SIL1: variants seen among roughly 807,000 people sequenced by gnomAD.
SIL1 encodes the protein nucleotide exchange factor SIL1.
In SIL1, 40 loss-of-function variants were observed where a neutral mutation model predicts 49.1. The observed-to-expected ratio is 0.81, with a 90% CI of 0.63 to 1.06. The LOEUF (loss-of-function observed/expected upper bound fraction) is 1.06, where lower values mean the gene tolerates loss of function less well. Among genes scored for constraint, SIL1 ranks in the 50% least tolerant of loss-of-function variants. SIL1 has a pLI of 0.00. For missense variants in SIL1, 500 were observed against 572.6 expected (o/e 0.87, Z 1.29); for synonymous variants, 253 against 250.8 (o/e 1.01, Z -0.08).
chr5:139,195,319 C>T (rs1389095726), intron 1 of SIL1, among the ~76,000 whole-genome samples: 1 of 152,172 alleles, frequency 6.6e-6, no homozygotes, highest in Non-Finnish European at 1.5e-5. Flanking sequence ...TCCTATGTCC[C>T]AAGAGCTTTC....
At chr5:139,127,979 C>T in intron 1 of SIL1, 126 bp from the exon 2 acceptor site, 1 of 695,704 alleles carries the variant, frequency 1.4e-6, no homozygotes, top group South Asian at 1.5e-5. Context: ...TATAACGAGT[C>T]TTCTACCACT....
intron 3 of SIL1, among the ~76,000 whole-genome samples, chr5:139,064,468 TA>T (rs1391481890): frequency 6.6e-6 from 1 of 152,242 alleles, no homozygotes; most frequent in Non-Finnish European, 1.5e-5. Flanking sequence ...CAACTGGTCC[TA>T]AGTCCTTGTC....
intron 1 of SIL1, among the ~76,000 whole-genome samples, chr5:139,154,151 A>G (rs554483942): frequency 8.5e-5 from 13 of 152,246 alleles, no homozygotes; most frequent in Non-Finnish European, 1.6e-4. Flanking sequence ...CTTGGCATTT[A>G]TAAGACATCT....
chr5:138,947,530 G>C lies in SIL1; in HGVS notation c.1030-57C>G. On this transcript the variant is annotated intron_variant, in intron 9 of 9. Transcript: ENST00000394817. This position sits in a 1 kb window ranked among gnomAD's most constrained non-coding sequence, Gnocchi z 4.1. Reference sequence around the variant, plus strand: ...GGTGGGGGTGGGGAGAGAACACACAGGGAGCAGTTAGCTCACACCTGGCTA... The same window carrying C: ...GGTGGGGGTGGGGAGAGAACACACACGGAGCAGTTAGCTCACACCTGGCTA... 6.6e-7 allele frequency: 1 copy of C among 1,510,232 alleles called. No homozygotes were observed. The highest frequency in any genetic ancestry group is 9.2e-7 in the Non-Finnish European group (1 of 1,086,474). The allele number at this position is 1,510,232 out of a possible 1,614,324, so 93.6% of individuals were successfully genotyped here.
intron 2 of SIL1, among the ~76,000 whole-genome samples, chr5:139,123,898 A>G (rs1042565444): frequency 2.0e-5 from 3 of 152,130 alleles, no homozygotes; most frequent in Admixed American, 2.0e-4. Flanking sequence ...CTAAGCATCA[A>G]TTTGCAACCT....
chr5:139,047,675 C>T (rs1241551104), intron 4 of SIL1, among the ~76,000 whole-genome samples: 12 of 152,330 alleles, frequency 7.9e-5, no homozygotes, highest in African/African-American at 2.9e-4. Flanking sequence ...GCTAAGGGGC[C>T]AGGAAGACAC....
At chr5:139,047,082 C>A (rs1024944998) in intron 4 of SIL1, among the ~76,000 whole-genome samples, 2 of 152,176 alleles carry the variant, frequency 1.3e-5, no homozygotes, top group African/African-American at 2.4e-5. Context: ...TTAGCCCAAC[C>A]TTTTAACCAC....
At chr5:139,078,290 A>T (rs6865067) in intron 3 of SIL1, among the ~76,000 whole-genome samples, 3,303 of 152,176 alleles carry the variant, frequency 0.022, 97 homozygotes, top group African/African-American at 0.072. Context: ...CCAAAAAAAA[A>T]TTTTTTAAGT....
intron 7 of SIL1, among the ~76,000 whole-genome samples, chr5:138,968,537 TCTC>T (rs1561809205): frequency 6.6e-6 from 1 of 151,960 alleles, no homozygotes; most frequent in Admixed American, 6.6e-5. Context: ...TCAGACACGA[TCTC>T]CTCAGAGAAA....
chr5:138,975,173 C>T lies in SIL1; in HGVS notation c.768-23289G>A, dbSNP rs1767368806. On this transcript the variant is annotated intron_variant, in intron 7 of 9. Coordinates refer to ENST00000394817, the MANE Select transcript of SIL1 (RefSeq NM_022464.5). ...TCAAGGTAAGAAAAATGGCTCCCTC[C>T]TCTGAAGGTTGGCAAGAAGCCTATA... is the stretch of plus-strand genomic sequence containing the variant. Among the ~76,000 whole-genome samples, 4 of 152,304 alleles carry T rather than the reference C, an allele frequency of 2.6e-5. No individual in the cohort carries two copies. The South Asian group carries it at 6.2e-4, about 24-fold the overall frequency.
At chr5:139,024,829 C>T (rs77494410) in intron 6 of SIL1, among the ~76,000 whole-genome samples, 4 of 152,212 alleles carry the variant, frequency 2.6e-5, no homozygotes, top group African/African-American at 9.6e-5. Flanking sequence ...TTTTCCATGG[C>T]CTACAGGCCC....
chr5:139,026,968 G>A lies in SIL1; in HGVS notation c.478C>T (p.Leu160Phe), dbSNP rs1195109678. The A allele has an allele frequency of 1.9e-6, 3 of 1,614,074 alleles. No homozygotes were observed. The African/African-American group carries it at 4.0e-5, about 22-fold the overall frequency. ...TTCAGTTCCTCAATGGGGCGGAAGA[G>A]CCGCTTTACCTCAGCCTGCCTTGCC... ...DKARQAEVKRLFRPIEELKKD... is the reference protein window; with the variant it reads ...DKARQAEVKRFFRPIEELKKD... Residue 160 changes from leucine (L) to phenylalanine (F), a missense_variant, in exon 6 of 10, where the codon CTC (leucine) becomes TTC (phenylalanine). Physicochemically the swap from Leu to Phe is conservative, Grantham distance 22. Coordinates refer to ENST00000394817, the MANE Select transcript of SIL1 (RefSeq NM_022464.5).
At chr5:138,982,371 C>T (rs1377059266) in intron 7 of SIL1, among the ~76,000 whole-genome samples, 1 of 152,212 alleles carries the variant, frequency 6.6e-6, no homozygotes, top group Admixed American at 6.5e-5. Context: ...GCAGGGTGGG[C>T]AGCATCTGCC....
chr5:138,952,028 G>A (rs1209863755), intron 7 of SIL1, 144 bp from the exon 8 acceptor site: 5 of 772,040 alleles, frequency 6.5e-6, no homozygotes, highest in Non-Finnish European at 1.1e-5. Context: ...CTCAGCTGGG[G>A]AAACAAAGAC....
At chr5:139,138,866 G>A (rs1016845337) in intron 1 of SIL1, among the ~76,000 whole-genome samples, 2 of 152,168 alleles carry the variant, frequency 1.3e-5, no homozygotes, top group Non-Finnish European at 2.9e-5. Context: ...CCCCTCTTTG[G>A]AGACTAGCTT....
intron 7 of SIL1, among the ~76,000 whole-genome samples, chr5:139,017,549 A>G (rs754640855): frequency 1.2e-4 from 18 of 152,182 alleles, no homozygotes; most frequent in Non-Finnish European, 2.1e-4. Context: ...ATGGGTTATT[A>G]AAGAAGGATA....
At chr5:139,037,803 A>G (rs966679351) in intron 5 of SIL1, among the ~76,000 whole-genome samples, 5 of 152,144 alleles carry the variant, frequency 3.3e-5, no homozygotes, top group African/African-American at 1.2e-4. Flanking sequence ...TTGTTAGATG[A>G]TTTCAACTTC....
At chr5:139,010,363 T>C (rs923234357) in intron 7 of SIL1, among the ~76,000 whole-genome samples, 2 of 150,342 alleles carry the variant, frequency 1.3e-5, no homozygotes, top group African/African-American at 4.9e-5. Flanking sequence ...TATACATTCT[T>C]CTAATTTTTT....
chr5:139,008,922 A>G (rs1005937391), intron 7 of SIL1, among the ~76,000 whole-genome samples: 9 of 151,524 alleles, frequency 5.9e-5, no homozygotes, highest in African/African-American at 2.2e-4. Context: ...GTGGTGCTGA[A>G]AAAAATGTAT....
Sources: allele counts gnomAD v4.1 joint callset (sites outside exome capture counted in the v4.1 genomes callset), GRCh38; gene constraint gnomAD v4.1.1; non-coding constraint Gnocchi (gnomAD v3.1); transcripts MANE v1.5; gene names NCBI Gene and HGNC (gene_info 2026-07-23, HGNC 2026-07-21).